PHACTR4: variants seen among roughly 807,000 people sequenced by gnomAD.
PHACTR4 encodes the protein protein phosphatase 1, regulatory subunit 124.
PHACTR4 carries 51 observed loss-of-function variants against 72.7 expected under a neutral mutation model. The ratio of observed to expected loss-of-function variants is 0.70; its 90% confidence interval spans 0.56 to 0.89. The LOEUF is 0.89. Among genes scored for constraint, PHACTR4 ranks in the 40% least tolerant of loss-of-function variants. The pLI is 0.00. For missense variants in PHACTR4, 731 were observed against 861.8 expected (o/e 0.85, Z 1.90); for synonymous variants, 255 against 302.5 (o/e 0.84, Z 1.63).
At position 28,459,283 on chromosome 1, in the gene PHACTR4, T is replaced by C. The variant is rs768783883; in HGVS notation, c.190+25T>C. 1.6e-5 allele frequency: 25 copies of C among 1,590,326 alleles called. No homozygotes were observed. In the Admixed American group the frequency reaches 4.1e-4, roughly 26 times the overall value. On this transcript the variant is annotated intron_variant, in intron 3 of 13. Coordinates refer to ENST00000373839, the MANE Select transcript of PHACTR4 (RefSeq NM_001048183.3). ...GGTGAGATATTAAGGGTTAAATGTG[T>C]GTTCTGAGTTAGAATTCTCTATGTT...
chr1:28,387,732 A>ATTTT (rs529132196), intron 1 of PHACTR4, among the ~76,000 whole-genome samples: 1 of 147,294 alleles, frequency 6.8e-6, no homozygotes, highest in Admixed American at 6.8e-5. Flanking sequence ...ACAAAAAACA[A>ATTTT]TTTTTTTTTT....
At chr1:28,465,570 G>A in intron 4 of PHACTR4, 115 bp from the exon 5 acceptor site, 1 of 1,089,510 alleles carries the variant, frequency 9.2e-7, no homozygotes, top group Non-Finnish European at 1.3e-6. Flanking sequence ...GGGCAACATA[G>A]TGAGACCCTG....
At chr1:28,382,577 A>G (rs1318598503) in intron 1 of PHACTR4, among the ~76,000 whole-genome samples, 4 of 152,108 alleles carry the variant, frequency 2.6e-5, no homozygotes, top group Non-Finnish European at 5.9e-5. Context: ...TGCTGGGACT[A>G]CAGGCGTGAG....
At chr1:28,443,534 G>T (rs1055827009) in intron 2 of PHACTR4, among the ~76,000 whole-genome samples, 18 of 151,766 alleles carry the variant, frequency 1.2e-4, no homozygotes, top group Non-Finnish European at 2.2e-4. Flanking sequence ...TGCAGCTTCA[G>T]CCTCCTAGAT....
Position 28,457,916 on chromosome 1 carries a change from TG to T in PHACTR4, c.17-1167del. On this transcript the variant is annotated intron_variant, in intron 2 of 13. Transcript: ENST00000373839. ...TGCTTTTTTTTGGTTGCCTTCCTGCTGGTTTTTTTTTTTTTCCTTTCTTTAA... is the reference window on the plus strand; with the variant it reads ...TGCTTTTTTTTGGTTGCCTTCCTGCTGTTTTTTTTTTTTTCCTTTCTTTAA... The T allele has an allele frequency of 4.2e-6, 4 of 956,702 alleles. No individual in the cohort carries two copies. In the South Asian group the frequency reaches 1.9e-4, roughly 46 times the overall value. 59.3% of individuals were successfully genotyped at this position (956,702 alleles called of 1,614,324 possible).
At chr1:28,394,079 A>C (rs943974048) in intron 1 of PHACTR4, among the ~76,000 whole-genome samples, 8 of 152,152 alleles carry the variant, frequency 5.3e-5, no homozygotes, top group Non-Finnish European at 1.5e-5. Context: ...TTCTAGAAGA[A>C]GGCACTGTTA....
At chr1:28,431,193 C>CAA (rs1206764327) in intron 2 of PHACTR4, among the ~76,000 whole-genome samples, 3,299 of 117,944 alleles carry the variant, frequency 0.028, 146 homozygotes, top group African/African-American at 0.13. Context: ...AAAAAAAAAC[C>CAA]AAAATATATA....
chr1:28,450,974 C>CTTTTTTTTTTT lies in PHACTR4; in HGVS notation c.17-8101_17-8091dup, dbSNP rs1188704308. Among the ~76,000 whole-genome samples the CTTTTTTTTTTT allele has an allele frequency of 4.2e-3, 303 of 71,986 alleles. 8 individuals are homozygous for CTTTTTTTTTTT. The highest frequency in any genetic ancestry group is 8.7e-3 in the African/African-American group (127 of 14,584). 47.2% of individuals were successfully genotyped at this position (71,986 alleles called of 152,430 possible). On this transcript the variant is annotated intron_variant, in intron 2 of 13. Coordinates refer to ENST00000373839, the MANE Select transcript of PHACTR4 (RefSeq NM_001048183.3). ...TACAGGCATGTACCACCACACCCAG[C>CTTTTTTTTTTT]TTTTTTTTTTTTTTTTTTTTGTATT...
At chr1:28,421,672 G>A (rs1211862998) in intron 2 of PHACTR4, among the ~76,000 whole-genome samples, 1 of 152,148 alleles carries the variant, frequency 6.6e-6, no homozygotes, top group Admixed American at 6.5e-5. Context: ...CACAGGGTGA[G>A]TCAGTCTTTT....
rs1048644441 is a variant in PHACTR4 at position 28,499,177 on chromosome 1, C to G, written c.*2628C>G. On this transcript the variant is annotated 3_prime_UTR_variant, in exon 14 of 14. Transcript: ENST00000373839. ...TGAGACAGAATTTTGCTCTTGTTGC[C>G]CAGGCCGGAGTGCAATGGTGCAATC... 6.6e-5 allele frequency: 10 copies of G among 151,928 alleles called. No homozygotes were observed. The highest frequency in any genetic ancestry group is 2.4e-4 in the African/African-American group (10 of 41,270). 9.4% of individuals were successfully genotyped at this position (151,928 alleles called of 1,614,324 possible).
chr1:28,407,606 T>G (rs1349896312), intron 2 of PHACTR4, 143 bp downstream of exon 2: 1 of 561,204 alleles, frequency 1.8e-6, no homozygotes, highest in Non-Finnish European at 3.0e-6. Context: ...TTTGCTTCTA[T>G]AAGAATTCAG....
intron 2 of PHACTR4, among the ~76,000 whole-genome samples, chr1:28,431,152 C>T (rs1465615898): frequency 6.9e-6 from 1 of 145,640 alleles, no homozygotes; most frequent in Non-Finnish European, 1.5e-5. Context: ...GCACTCCAGC[C>T]TGGGCCACAG....
chr1:28,412,680 A>T (rs1654863759), intron 2 of PHACTR4, among the ~76,000 whole-genome samples: 2 of 152,122 alleles, frequency 1.3e-5, no homozygotes, highest in Non-Finnish European at 2.9e-5. Context: ...AAGGCAAATA[A>T]TTTTTTTGTA....
intron 2 of PHACTR4, among the ~76,000 whole-genome samples, chr1:28,429,823 G>GGCACTGTACTTA: frequency 1.3e-5 from 2 of 152,284 alleles, no homozygotes; most frequent in Non-Finnish European, 2.9e-5. Context: ...AACAGAGTAT[G>GGCACTGTACTTA]ATAACTTAGG....
At chr1:28,389,085 A>G (rs1652799349) in intron 1 of PHACTR4, among the ~76,000 whole-genome samples, 1 of 152,178 alleles carries the variant, frequency 6.6e-6, no homozygotes, top group African/African-American at 2.4e-5. Context: ...AACGTATAGA[A>G]TGGGAGAAAA....
chr1:28,480,325 T>G (rs1460792205), intron 8 of PHACTR4, 126 bp from the exon 9 acceptor site: 1 of 1,118,730 alleles, frequency 8.9e-7, no homozygotes, highest in African/African-American at 1.6e-5. Flanking sequence ...GCTGGATCAT[T>G]TGAGGCCAGG....
chr1:28,442,501 GTATT>G (rs577133901), intron 2 of PHACTR4, among the ~76,000 whole-genome samples: 1 of 151,734 alleles, frequency 6.6e-6, no homozygotes, highest in Non-Finnish European at 1.5e-5. Context: ...GTTTGTTTGT[GTATT>G]TATTTATTTA....
chr1:28,398,773 C>G (rs758152349), intron 1 of PHACTR4, among the ~76,000 whole-genome samples: 4 of 151,804 alleles, frequency 2.6e-5, no homozygotes, highest in East Asian at 1.9e-4. Context: ...GAGCCAAGAT[C>G]GCGCTACTGC....
chr1:28,380,507 C>G (rs554624797), intron 1 of PHACTR4, among the ~76,000 whole-genome samples: 17 of 152,278 alleles, frequency 1.1e-4, no homozygotes, highest in Non-Finnish European at 1.6e-4. Context: ...TCCCTGCTCC[C>G]ATCCTCTACT....
Sources: gnomAD v4.1 joint callset for allele counts (sites outside exome capture counted in the v4.1 genomes callset) on GRCh38, gnomAD v4.1.1 for gene constraint, MANE v1.5 for transcripts, NCBI Gene and HGNC (gene_info 2026-07-23, HGNC 2026-07-21) for gene names.